Variants in PIEZO2 observed in about 807,000 individuals in gnomAD.
PIEZO2 encodes the protein piezo-type mechanosensitive ion channel component 2.
In PIEZO2, 172 loss-of-function variants were observed where a neutral mutation model predicts 337.3. The ratio of observed to expected loss-of-function variants is 0.51; its 90% CI spans 0.45 to 0.58. The LOEUF is 0.58. Among genes scored for constraint, PIEZO2 ranks in the 20% least tolerant of loss-of-function variants. The pLI is 0.00. For synonymous variants in PIEZO2, 1,251 were observed against 1,228.5 expected, an observed-to-expected ratio of 1.02 and a Z score of -0.38; for missense variants, 3,028 against 3,391.3, an observed-to-expected ratio of 0.89 and a Z score of 2.66.
chr18:10,774,116 T>C, intron 18 of PIEZO2, 78 bp from the exon 19 acceptor site: 1 of 697,248 alleles, frequency 1.4e-6, no homozygotes, highest in Admixed American at 2.0e-5. Flanking sequence ...AGAGATCACA[T>C]ATCATGCTAC....
At chr18:10,807,325 T>A (rs1215018407) in intron 7 of PIEZO2, 51 bp from the exon 8 acceptor site, 2 of 1,468,092 alleles carry the variant, frequency 1.4e-6, no homozygotes, top group Non-Finnish European at 1.8e-6. Context: ...GCTATATGTC[T>A]CCAACATTGA....
chr18:11,084,104 G>T (rs530001858), intron 1 of PIEZO2, among the ~76,000 whole-genome samples: 2 of 151,340 alleles, frequency 1.3e-5, no homozygotes, highest in Admixed American at 6.6e-5. Context: ...TTGAACCTGG[G>T]GGGTGGAGGC....
chr18:10,762,534 A>G lies in PIEZO2; in HGVS notation c.3215T>C (p.Leu1072Pro), dbSNP rs1490218848. ...APIDPTEWVG[L>P]RKSSPLLVYL... The stretch of plus-strand genomic sequence containing the variant: ...GACTAGCAGAGGCGAAGACTTCCGC[A>G]GGCCGACCCACTCTGTAGGATCGAT... Residue 1072 changes from leucine (L) to proline (P), a missense_variant, in exon 23 of 56, where the codon CTG (leucine) becomes CCG (proline). By Grantham distance (98) the Leu-to-Pro change is moderately conservative. This residue lies in a region of PIEZO2 where 1,925 missense variants were observed against 2,051.9 expected (regional missense o/e 0.94). Transcript: ENST00000674853. 2.6e-6 allele frequency: 4 copies of G among 1,537,232 alleles called. No homozygotes were observed. The highest frequency in any genetic ancestry group is 3.5e-6 in the Non-Finnish European group (4 of 1,146,934).
rs2032778883 is a variant in PIEZO2, at chr18:10,942,442, C to G, written c.287-31214G>C. The stretch of plus-strand genomic sequence containing the variant: ...AACTTGTTGGGAAATGGAGCAAACA[C>G]AACTCTTGTTATGTTTTAGCAAAGC... On this transcript the variant is annotated intron_variant, in intron 3 of 55. Coordinates refer to ENST00000674853, the MANE Select transcript of PIEZO2 (RefSeq NM_001378183.1). The surrounding 1 kb of genome is among the most constrained non-coding windows in gnomAD (Gnocchi z 4.4). Among the ~76,000 whole-genome samples the G allele has an allele frequency of 6.6e-6, 1 of 152,182 alleles. No homozygotes were observed. Among genetic ancestry groups the G allele is most frequent in the African/African-American group, 2.4e-5 (1 of 41,442 alleles).
rs1412496411 is a variant in PIEZO2, at chr18:11,109,881, T to C, written c.64+38644A>G. ...CCTTTACTGAAATTTCTAGTTAGAT[T>C]TGACTTTATTATAGTCATCTAAAGT... On this transcript the variant is annotated intron_variant, in intron 1 of 55. Transcript: ENST00000674853. This position sits in a 1 kb window ranked among gnomAD's most constrained non-coding sequence, Gnocchi z 5.1. 3.3e-5 allele frequency among the ~76,000 whole-genome samples: 5 copies of C among 152,232 alleles called. No homozygotes were observed. The highest frequency in any genetic ancestry group is 5.9e-5 in the Non-Finnish European group (4 of 68,050).
chr18:10,679,102 T>C (rs2034149955), intron 52 of PIEZO2, among the ~76,000 whole-genome samples: 1 of 152,016 alleles, frequency 6.6e-6, no homozygotes, highest in Non-Finnish European at 1.5e-5. Flanking sequence ...CCCAGCTGAT[T>C]TTTGTATTTT....
chr18:11,094,918 T>G lies in PIEZO2; in HGVS notation c.65-28696A>C, dbSNP rs2146062934. ...GCCATCTGAGGAACTCTGTCCCCTCTTCCTACAGCTCCAAAAGCCACCCGC... is the reference window on the plus strand; with the variant it reads ...GCCATCTGAGGAACTCTGTCCCCTCGTCCTACAGCTCCAAAAGCCACCCGC... On this transcript the variant is annotated intron_variant, in intron 1 of 55. Coordinates refer to ENST00000674853, the MANE Select transcript of PIEZO2 (RefSeq NM_001378183.1). This position sits in a 1 kb window ranked among gnomAD's most constrained non-coding sequence, Gnocchi z 4.4. 6.6e-6 allele frequency among the ~76,000 whole-genome samples: 1 copy of G among 152,342 alleles called. No homozygotes were observed. The highest frequency in any genetic ancestry group is 2.1e-4 in the South Asian group (1 of 4,824).
In PIEZO2 at chr18:10,857,031, C is replaced by T. The variant is rs1212693023; in HGVS notation, c.673G>A (p.Val225Ile). ...GAGCCCAGTAAGATGGTAACAACGACTTTCCCAGCAGTGGTGATCATGTTG... is the reference window on the plus strand; with the variant it reads ...GAGCCCAGTAAGATGGTAACAACGATTTTCCCAGCAGTGGTGATCATGTTG... ...IGNMITTAGK[V>I]VVTILLGSSG... Residue 225 changes from valine (V) to isoleucine (I), a missense_variant, in exon 6 of 56, where the codon GTC becomes ATC. Coordinates refer to ENST00000674853, the MANE Select transcript of PIEZO2 (RefSeq NM_001378183.1). The T allele has an allele frequency of 5.2e-6, 8 of 1,537,222 alleles. No individual in the cohort carries two copies. The South Asian group carries it at 9.5e-5, about 18-fold the overall frequency.
rs143449392 is a variant in PIEZO2 at position 10,944,352 on chromosome 18, C to T, written c.287-33124G>A. 6.5e-4 allele frequency among the ~76,000 whole-genome samples: 99 copies of T among 151,464 alleles called. No homozygotes were observed. The East Asian group carries it at 0.018, about 27-fold the overall frequency. On this transcript the variant is annotated intron_variant, in intron 3 of 55. Coordinates refer to ENST00000674853, the MANE Select transcript of PIEZO2 (RefSeq NM_001378183.1). Reference sequence around the variant, plus strand: ...AAAGAAACAATATTCGGTGGGATAACGTGTACCAATTTTTTCAGATTGATG... The same window carrying T: ...AAAGAAACAATATTCGGTGGGATAATGTGTACCAATTTTTTCAGATTGATG...
At chr18:11,014,916 GAC>G (rs2036055334) in intron 2 of PIEZO2, among the ~76,000 whole-genome samples, 1 of 143,520 alleles carries the variant, frequency 7.0e-6, no homozygotes, top group Admixed American at 7.0e-5. Flanking sequence ...CCCTGGGTGG[GAC>G]AGCGATCCGG....
chr18:10,744,055 T>A, intron 31 of PIEZO2, 87 bp downstream of exon 31: 9 of 936,666 alleles, frequency 9.6e-6, no homozygotes, highest in Admixed American at 2.6e-5. Context: ...TTTCAGGGGT[T>A]TGAGGCTCCC....
At chr18:10,740,897 T>C (rs1401996366) in intron 33 of PIEZO2, 134 bp downstream of exon 33, 1 of 940,180 alleles carries the variant, frequency 1.1e-6, no homozygotes, top group Admixed American at 2.0e-5. Context: ...AAAATTTTCC[T>C]ACACTCCGAC....
rs772254043 is a variant in PIEZO2 at position 11,028,748 on chromosome 18, T to G, written c.160+37379A>C. ...AAGTGAGAATCTGATCAGGTCTGAA[T>G]AATACATGGCCAGCCAGCGTTGGCC... On this transcript the variant is annotated intron_variant, in intron 2 of 55. Coordinates refer to ENST00000674853, the MANE Select transcript of PIEZO2 (RefSeq NM_001378183.1). The surrounding 1 kb of genome is among the most constrained non-coding windows in gnomAD (Gnocchi z 4.8). 6.6e-6 allele frequency among the ~76,000 whole-genome samples: 1 copy of G among 152,192 alleles called. No homozygotes were observed. Among genetic ancestry groups the G allele is most frequent in the Non-Finnish European group, 1.5e-5 (1 of 68,044 alleles).
chr18:10,766,009 C>A lies in PIEZO2; in HGVS notation c.2947-2911G>T, dbSNP rs8096902. On this transcript the variant is annotated intron_variant, in intron 21 of 55. Transcript: ENST00000674853. This position sits in a 1 kb window ranked among gnomAD's most constrained non-coding sequence, Gnocchi z 6.1. The stretch of plus-strand genomic sequence containing the variant: ...GTCAAATCAGAGGAGGACTAAAGAG[C>A]CTCTGTGCGGTGAATATTTTTATTT... Among the ~76,000 whole-genome samples the A allele has an allele frequency of 0.015, 2,214 of 152,192 alleles. 55 individuals are homozygous for A. The highest frequency in any genetic ancestry group is 0.051 in the African/African-American group (2,114 of 41,512).
Position 11,099,448 on chromosome 18 carries a change from A to G in PIEZO2, c.65-33226T>C, listed in dbSNP as rs1485496639. On this transcript the variant is annotated intron_variant, in intron 1 of 55. Coordinates refer to ENST00000674853, the MANE Select transcript of PIEZO2 (RefSeq NM_001378183.1). The surrounding 1 kb of genome is among the most constrained non-coding windows in gnomAD (Gnocchi z 5.4). ...ACAGGCAAGATGTGGGTTCTTCTTAACATTTCAATTTATATCTTTATTCTT... is the reference window on the plus strand; with the variant it reads ...ACAGGCAAGATGTGGGTTCTTCTTAGCATTTCAATTTATATCTTTATTCTT... Among the ~76,000 whole-genome samples the G allele has an allele frequency of 1.3e-5, 2 of 152,166 alleles. No homozygotes were observed. The highest frequency in any genetic ancestry group is 2.9e-5 in the Non-Finnish European group (2 of 68,020).
At position 10,899,987 on chromosome 18, in the gene PIEZO2, T is replaced by A. The variant is rs2043003001; in HGVS notation, c.329+11199A>T. The stretch of plus-strand genomic sequence containing the variant: ...ATCAGAGAATATTTTCTTCCAGCCA[T>A]GTTTTGAAAGAAAGAAGTTTTCGTG... On this transcript the variant is annotated intron_variant, in intron 4 of 55. Coordinates refer to ENST00000674853, the MANE Select transcript of PIEZO2 (RefSeq NM_001378183.1). This position sits in a 1 kb window ranked among gnomAD's most constrained non-coding sequence, Gnocchi z 4.6. Among the ~76,000 whole-genome samples the A allele has an allele frequency of 6.6e-6, 1 of 152,178 alleles. No individual in the cohort carries two copies. Among genetic ancestry groups the A allele is most frequent in the Non-Finnish European group, 1.5e-5 (1 of 68,020 alleles).
At chr18:11,123,903 AGT>A (rs2040105956) in intron 1 of PIEZO2, among the ~76,000 whole-genome samples, 1 of 34,294 alleles carries the variant, frequency 2.9e-5, no homozygotes, top group Non-Finnish European at 1.6e-4. Flanking sequence ...TTGCTGAAAG[AGT>A]AGATTTTAAA....
rs2035491743 is a variant in PIEZO2 at position 10,704,636 on chromosome 18, C to T, written c.6016G>A (p.Glu2006Lys). The T allele has an allele frequency of 6.5e-7, 1 of 1,536,576 alleles. No individual in the cohort carries two copies. The highest frequency in any genetic ancestry group is 1.2e-5 in the South Asian group (1 of 84,060). The change falls in exon 42 of 56, where the codon GAG (glutamate) becomes AAG (lysine). Residue 2006 changes from glutamate to lysine, a missense_variant. Transcript: ENST00000674853. ...LLLKKMFHDD[E>K]LEESEKFYVG... ...TAGAATTTCTCTGACTCTTCAAGCT[C>T]ATCGTCGTGAAACATCCTGTTAAAG... is the stretch of plus-strand genomic sequence containing the variant.
At chr18:10,802,713 T>C (rs1045438718) in intron 9 of PIEZO2, among the ~76,000 whole-genome samples, 10 of 152,140 alleles carry the variant, frequency 6.6e-5, no homozygotes, top group African/African-American at 2.4e-4. Context: ...CTTATGCCTG[T>C]AACCCTAGCA....
Sources: allele counts gnomAD v4.1 joint callset (sites outside exome capture counted in the v4.1 genomes callset), GRCh38; gene constraint gnomAD v4.1.1; regional missense constraint gnomAD v4.1.1; non-coding constraint Gnocchi (gnomAD v3.1); transcripts MANE v1.5; gene names NCBI Gene and HGNC (gene_info 2026-07-23, HGNC 2026-07-21).